Variants in SLC35F4 observed in about 807,000 individuals in gnomAD.
The protein encoded by SLC35F4 is chromosome 14 open reading frame 36.
Under a neutral mutation model 44.2 loss-of-function variants are expected in SLC35F4, and 24 were observed. That is an observed-to-expected ratio of 0.54 (90% CI 0.39 to 0.76). The LOEUF (loss-of-function observed/expected upper bound fraction) is 0.76, where lower values mean the gene tolerates loss of function less well. Among genes scored for constraint, SLC35F4 ranks in the 30% least tolerant of loss-of-function variants. The probability of loss-of-function intolerance (pLI) is 0.00; values close to 1 mark genes in which losing one functional copy is unlikely to be tolerated. For synonymous variants in SLC35F4, 238 were observed against 223.6 expected, an observed-to-expected ratio of 1.06 and a Z score of -0.57; for missense variants, 562 against 586.1, an observed-to-expected ratio of 0.96 and a Z score of 0.42.
intron 1 of SLC35F4, among the ~76,000 whole-genome samples, chr14:57,780,206 T>C (rs2077583683): frequency 6.6e-6 from 1 of 152,276 alleles, no homozygotes; most frequent in South Asian, 2.1e-4. Flanking sequence ...GCCCAAAAGC[T>C]CCTTCAGCTG....
rs534876793 is a variant in SLC35F4, at chr14:57,762,177, T to C, written c.103+103546A>G. 2.6e-5 allele frequency among the ~76,000 whole-genome samples: 4 copies of C among 152,218 alleles called. No individual in the cohort carries two copies. The East Asian group carries it at 7.7e-4, about 29-fold the overall frequency. On this transcript the variant is annotated intron_variant, in intron 1 of 7. Coordinates refer to ENST00000556826, the MANE Select transcript of SLC35F4 (RefSeq NM_001306087.2). ...TGTGCCTGCATTCCTGCTGCTAGGA[T>C]TGAGAGAAAACATGAAACGCTGCCT...
intron 4 of SLC35F4, among the ~76,000 whole-genome samples, chr14:57,580,719 T>C (rs1422009766): frequency 1.3e-5 from 2 of 152,134 alleles, no homozygotes; most frequent in Admixed American, 1.3e-4. Flanking sequence ...ACTAGATATA[T>C]AGTCACTTTT....
chr14:57,702,113 G>T (rs1336550280), intron 1 of SLC35F4, among the ~76,000 whole-genome samples: 1 of 152,192 alleles, frequency 6.6e-6, no homozygotes, highest in East Asian at 1.9e-4. Context: ...TTCTGCAAAG[G>T]CATTTGACCA....
At chr14:57,828,732 G>A (rs758305356) in intron 1 of SLC35F4, among the ~76,000 whole-genome samples, 3 of 152,194 alleles carry the variant, frequency 2.0e-5, no homozygotes, top group African/African-American at 7.2e-5. Context: ...CAGGATAGGA[G>A]TTGGACTGTT....
At position 57,632,139 on chromosome 14, in the gene SLC35F4, T is replaced by C. The variant is rs547224622; in HGVS notation, c.104-38015A>G. ...TGCTATGCAGTCATTTATATGCAGGTTTAATTTTTTTTTTTAGATTTTCCT... is the reference window on the plus strand; with the variant it reads ...TGCTATGCAGTCATTTATATGCAGGCTTAATTTTTTTTTTTAGATTTTCCT... On this transcript the variant is annotated intron_variant, in intron 1 of 7. Transcript: ENST00000556826. 6.6e-5 allele frequency among the ~76,000 whole-genome samples: 10 copies of C among 151,910 alleles called. No homozygotes were observed. The East Asian group carries it at 2.0e-3, about 30-fold the overall frequency.
chr14:57,745,331 C>T (rs561812709), intron 1 of SLC35F4, among the ~76,000 whole-genome samples: 3 of 152,096 alleles, frequency 2.0e-5, no homozygotes, highest in Admixed American at 1.3e-4. Context: ...TACAATCTAC[C>T]CATCTGACAA....
intron 1 of SLC35F4, among the ~76,000 whole-genome samples, chr14:57,810,696 A>G (rs549840989): frequency 6.6e-6 from 1 of 152,332 alleles, no homozygotes; most frequent in South Asian, 2.1e-4. Context: ...CTCATGGCCT[A>G]TGCAGTATTT....
rs930295826 is a variant in SLC35F4 at position 57,741,170 on chromosome 14, C to T, written c.103+124553G>A. Among the ~76,000 whole-genome samples, 5 of 152,286 alleles carry T rather than the reference C, an allele frequency of 3.3e-5. No individual in the cohort carries two copies. The South Asian group carries it at 6.2e-4, about 19-fold the overall frequency. On this transcript the variant is annotated intron_variant, in intron 1 of 7. Coordinates refer to ENST00000556826, the MANE Select transcript of SLC35F4 (RefSeq NM_001306087.2). ...AAGCTGAAAATTCTAAAAATCAGAG[C>T]GCCTCTTCTCCTCCAAAGGAATGCA... is the stretch of plus-strand genomic sequence containing the variant.
intron 1 of SLC35F4, among the ~76,000 whole-genome samples, chr14:57,803,009 A>C (rs1229680937): frequency 7.0e-6 from 1 of 143,682 alleles, no homozygotes; most frequent in Non-Finnish European, 1.5e-5. Flanking sequence ...AAAAAAAAGA[A>C]ATTGCAGGCC....
intron 1 of SLC35F4, among the ~76,000 whole-genome samples, chr14:57,977,110 C>T (rs1881241367): frequency 6.6e-6 from 1 of 152,046 alleles, no homozygotes; most frequent in African/African-American, 2.4e-5. Flanking sequence ...TAAATCCTAC[C>T]TAAAGTGAAG....
At chr14:57,859,045 C>T (rs1190114063) in intron 1 of SLC35F4, among the ~76,000 whole-genome samples, 1 of 151,830 alleles carries the variant, frequency 6.6e-6, no homozygotes, top group African/African-American at 2.4e-5. Flanking sequence ...TTTAAGGCTG[C>T]AGTAAACTAT....
At chr14:57,828,302 G>C (rs886721036) in intron 1 of SLC35F4, among the ~76,000 whole-genome samples, 1 of 152,138 alleles carries the variant, frequency 6.6e-6, no homozygotes, top group African/African-American at 2.4e-5. Context: ...TGATGAAAAT[G>C]TTCTCTCAGG....
downstream of SLC35F4, among the ~76,000 whole-genome samples, chr14:57,972,468 A>C (rs994482776): frequency 6.6e-6 from 1 of 152,206 alleles, no homozygotes; most frequent in Non-Finnish European, 1.5e-5. Context: ...CTACCAGAAC[A>C]TACTGTAATT....
At chr14:57,898,749 A>T (rs1191962180) in intron 1 of SLC35F4, among the ~76,000 whole-genome samples, 1 of 152,218 alleles carries the variant, frequency 6.6e-6, no homozygotes, top group East Asian at 1.9e-4. Flanking sequence ...TCAATATGGA[A>T]ATAAATATCC....
chr14:57,661,484 A>G lies in SLC35F4; in HGVS notation c.104-67360T>C, dbSNP rs1323672994. On this transcript the variant is annotated intron_variant, in intron 1 of 7. Transcript: ENST00000556826. Reference sequence around the variant, plus strand: ...ACTTTAGGTTCTACTTCCATCTTTTATAAACCTTCTAATTTGGTCTTGGCA... The same window carrying G: ...ACTTTAGGTTCTACTTCCATCTTTTGTAAACCTTCTAATTTGGTCTTGGCA... Among the ~76,000 whole-genome samples, 11 of 152,178 alleles carry G rather than the reference A, an allele frequency of 7.2e-5. No individual in the cohort carries two copies. The East Asian group carries it at 2.1e-3, about 29-fold the overall frequency.
intron 1 of SLC35F4, among the ~76,000 whole-genome samples, chr14:57,715,864 T>C (rs2075926181): frequency 1.3e-5 from 2 of 151,316 alleles, no homozygotes; most frequent in Admixed American, 1.3e-4. Context: ...CAAGATGTAA[T>C]ATAAAAATGT....
At chr14:57,913,879 T>G (rs910160900) in intron 1 of SLC35F4, among the ~76,000 whole-genome samples, 1 of 152,184 alleles carries the variant, frequency 6.6e-6, no homozygotes, top group African/African-American at 2.4e-5. Flanking sequence ...GGCAATAAAT[T>G]TCCTCATTTT....
At chr14:57,791,240 C>A (rs187816775) in intron 1 of SLC35F4, among the ~76,000 whole-genome samples, 5 of 152,088 alleles carry the variant, frequency 3.3e-5, no homozygotes, top group Admixed American at 1.3e-4. Flanking sequence ...ATTCATCTGA[C>A]AAAGGTCTAA....
At chr14:57,593,646 T>G (rs1028833383) in intron 2 of SLC35F4, among the ~76,000 whole-genome samples, 1 of 152,194 alleles carries the variant, frequency 6.6e-6, no homozygotes, top group South Asian at 2.1e-4. Flanking sequence ...TTTTGATATT[T>G]TGAAGATGAG....
Sources: allele counts gnomAD v4.1 joint callset (sites outside exome capture counted in the v4.1 genomes callset), GRCh38; gene constraint gnomAD v4.1.1; transcripts MANE v1.5; gene names NCBI Gene and HGNC (gene_info 2026-07-23, HGNC 2026-07-21).